The following KCNN2 variants were observed in gnomAD, a reference collection of about 807,000 sequenced individuals.
The protein encoded by KCNN2 is small conductance calcium-activated potassium channel protein 2.
In KCNN2, 24 loss-of-function variants were observed where a neutral mutation model predicts 55.5. The observed-to-expected ratio is 0.43, with a 90% CI of 0.31 to 0.61. KCNN2 has a LOEUF of 0.61. Ranked by LOEUF, KCNN2 falls within the 20% of genes least tolerant of loss-of-function variation. The pLI is 0.08. For missense variants in KCNN2, 754 were observed against 853.6 expected (o/e 0.88, Z 1.45); for synonymous variants, 431 against 336.1 (o/e 1.28, Z -3.09).
At chr5:114,179,269 G>A (rs1031699658) in intron 1 of KCNN2, among the ~76,000 whole-genome samples, 1 of 152,192 alleles carries the variant, frequency 6.6e-6, no homozygotes, top group African/African-American at 2.4e-5. Flanking sequence ...AAATTTATTT[G>A]TAAGCTCACT....
chr5:114,438,934 G>A (rs1325162918), intron 3 of KCNN2, among the ~76,000 whole-genome samples: 2 of 152,132 alleles, frequency 1.3e-5, no homozygotes, highest in African/African-American at 4.8e-5. Context: ...ATAACTTTCT[G>A]TGGTGTCATT....
At chr5:114,066,216 C>G (rs891409934) in intron 1 of KCNN2, among the ~76,000 whole-genome samples, 2 of 152,210 alleles carry the variant, frequency 1.3e-5, no homozygotes, top group African/African-American at 2.4e-5. Context: ...AGAACTTTCT[C>G]TCTTTCTCTG....
intron 1 of KCNN2, among the ~76,000 whole-genome samples, chr5:114,165,199 G>T (rs1412809630): frequency 1.3e-5 from 2 of 152,096 alleles, no homozygotes; most frequent in Non-Finnish European, 2.9e-5. Context: ...TATGCCAAGT[G>T]TGCCTGTGCC....
intron 2 of KCNN2, among the ~76,000 whole-genome samples, chr5:114,238,361 C>G (rs1209305892): frequency 6.6e-6 from 1 of 152,072 alleles, no homozygotes; most frequent in Non-Finnish European, 1.5e-5. Flanking sequence ...TGCAGTGGCT[C>G]ACGCCTGTAA....
chr5:114,317,936 A>T (rs901596267), intron 2 of KCNN2, among the ~76,000 whole-genome samples: 1 of 152,236 alleles, frequency 6.6e-6, no homozygotes, highest in African/African-American at 2.4e-5. Flanking sequence ...CTGAAGAGAT[A>T]AGAGATAAGG....
intron 1 of KCNN2, among the ~76,000 whole-genome samples, chr5:114,197,033 TTG>T (rs749375471): frequency 2.6e-5 from 4 of 152,142 alleles, no homozygotes; most frequent in Non-Finnish European, 5.9e-5. Flanking sequence ...TTTTGTTTCA[TTG>T]TGTTTTCATT....
intron 2 of KCNN2, among the ~76,000 whole-genome samples, chr5:114,386,364 C>T (rs1447717001): frequency 1.3e-5 from 2 of 151,960 alleles, no homozygotes; most frequent in Non-Finnish European, 2.9e-5. Context: ...ACTGTATCTC[C>T]ACCAGGGGCT....
Position 114,069,873 on chromosome 5 carries a change from T to C in KCNN2, c.-271+13373T>C, listed in dbSNP as rs548158088. On this transcript the variant is annotated intron_variant, in intron 1 of 10. Coordinates refer to the KCNN2 transcript ENST00000512097. Reference sequence around the variant, plus strand: ...AAGGGAGTGCCGGTGATAATGCATGTCCCAGCTGTTGATGGGAATGCAAGG... The same window carrying C: ...AAGGGAGTGCCGGTGATAATGCATGCCCCAGCTGTTGATGGGAATGCAAGG... 2.0e-5 allele frequency among the ~76,000 whole-genome samples: 3 copies of C among 152,292 alleles called. No individual in the cohort carries two copies. In the South Asian group the frequency reaches 6.2e-4, roughly 32 times the overall value.
intron 2 of KCNN2, among the ~76,000 whole-genome samples, chr5:114,250,809 T>C (rs1410434694): frequency 6.6e-6 from 1 of 152,154 alleles, no homozygotes; most frequent in Non-Finnish European, 1.5e-5. Context: ...CTGAGCCTCT[T>C]ACTAATGGAA....
rs1757466877 is a variant in KCNN2 at position 114,362,674 on chromosome 5, G to A, written c.535G>A (p.Gly179Arg). The change falls in exon 1 of 8, where the codon GGG becomes AGG. Residue 179 changes from glycine (G) to arginine (R), a missense_variant. By Grantham distance (125) the Gly-to-Arg change is moderately radical. This residue lies in a region of KCNN2 where 381 missense variants were observed against 259.1 expected (regional missense o/e 1.47). Coordinates refer to ENST00000673685, the MANE Select transcript of KCNN2 (RefSeq NM_021614.4). ...PTGSLGSLGS[G>R]PPLSHHHHHP... Reference sequence around the variant, plus strand: ...GGGCAGCCTCGGCAGTCTGGGCTCCGGGCCCCCGCTCTCGCACCACCACCA... The same window carrying A: ...GGGCAGCCTCGGCAGTCTGGGCTCCAGGCCCCCGCTCTCGCACCACCACCA... 2.1e-6 allele frequency: 3 copies of A among 1,425,528 alleles called. No individual in the cohort carries two copies. Among genetic ancestry groups the A allele is most frequent in the African/African-American group, 2.9e-5 (2 of 68,454 alleles). The allele number at this position is 1,425,528 out of a possible 1,614,324, so 88.3% of individuals were successfully genotyped here. A position where few individuals can be genotyped will look rare whatever the true frequency, so the allele number is the denominator to read the frequency against.
intron 3 of KCNN2, among the ~76,000 whole-genome samples, chr5:114,416,203 T>G (rs1232660264): frequency 6.6e-6 from 1 of 152,228 alleles, no homozygotes; most frequent in East Asian, 1.9e-4. Context: ...CGTCATTTTT[T>G]CACTTAGGAT....
intron 2 of KCNN2, among the ~76,000 whole-genome samples, chr5:114,371,428 G>T (rs917790570): frequency 6.6e-6 from 1 of 152,122 alleles, no homozygotes; most frequent in Non-Finnish European, 1.5e-5. Context: ...AAAGAGACAA[G>T]AATGAATTGT....
chr5:114,069,121 T>C (rs1750512604), intron 1 of KCNN2, among the ~76,000 whole-genome samples: 1 of 152,198 alleles, frequency 6.6e-6, no homozygotes. Context: ...TGCCAATTGC[T>C]TGCTTTTCTT....
chr5:114,362,886 C>T lies in KCNN2; in HGVS notation c.747C>T (p.Pro249=), dbSNP rs1447830380. 2 of 1,597,760 alleles carry T rather than the reference C, an allele frequency of 1.3e-6. No individual in the cohort carries two copies. Among genetic ancestry groups the T allele is most frequent in the Non-Finnish European group, 1.7e-6 (2 of 1,178,606 alleles). Residue 249 remains proline (P), a synonymous_variant, in exon 1 of 8, where the codon CCC becomes CCT. Transcript: ENST00000673685. ...MDSEAQPLQP[P]ASVGGGGGAS... is the part of the protein sequence containing the mutation. The stretch of plus-strand genomic sequence containing the variant: ...CAGAGGCGCAGCCCCTGCAGCCCCC[C>T]GCGTCTGTCGGAGGAGGTGGCGGCG...
At chr5:114,126,545 TC>T (rs938361194) in intron 1 of KCNN2, among the ~76,000 whole-genome samples, 6 of 152,066 alleles carry the variant, frequency 3.9e-5, no homozygotes, top group Non-Finnish European at 7.4e-5. Flanking sequence ...CTCCACCGTG[TC>T]CCTCCCATGG....
At position 114,387,743 on chromosome 5, in the gene KCNN2, C is replaced by G. The variant is rs551243200; in HGVS notation, c.1219-16695C>G. On this transcript the variant is annotated intron_variant, in intron 2 of 7. Transcript: ENST00000673685. ...AGAAAGAACAGAAGAAAGGCTCTAT[C>G]TACATCCTGTAGCTCTGAGGGAGAC... is the stretch of plus-strand genomic sequence containing the variant. Among the ~76,000 whole-genome samples the G allele has an allele frequency of 4.6e-5, 7 of 152,266 alleles. No homozygotes were observed. In the South Asian group the frequency reaches 1.5e-3, roughly 32 times the overall value.
chr5:114,307,124 T>C (rs6897769), intron 2 of KCNN2, among the ~76,000 whole-genome samples: 27,424 of 152,140 alleles, frequency 0.18, 4,018 homozygotes, highest in East Asian at 0.82. Context: ...TATCTGTAAG[T>C]GGCTTTAGGT....
intron 2 of KCNN2, among the ~76,000 whole-genome samples, chr5:114,318,430 T>C (rs542604992): frequency 5.3e-5 from 8 of 152,096 alleles, no homozygotes; most frequent in Non-Finnish European, 1.2e-4. Flanking sequence ...TAATAGAGTA[T>C]ATATCTTGTT....
intron 2 of KCNN2, among the ~76,000 whole-genome samples, chr5:114,378,977 G>T (rs1211197262): frequency 1.3e-5 from 2 of 152,078 alleles, no homozygotes; most frequent in African/African-American, 4.8e-5. Context: ...TTATTAATTT[G>T]CTTATTGCTG....
Sources: gnomAD v4.1 joint callset for allele counts (sites outside exome capture counted in the v4.1 genomes callset) on GRCh38, gnomAD v4.1.1 for gene constraint, gnomAD v4.1.1 regional missense constraint, MANE v1.5 for transcripts, NCBI Gene and HGNC (gene_info 2026-07-23, HGNC 2026-07-21) for gene names.